ATXN7: variants seen among roughly 807,000 people sequenced by gnomAD.
The protein encoded by ATXN7 is ataxin-7.
In ATXN7, 12 loss-of-function variants were observed where a neutral mutation model predicts 70.5. That is an observed-to-expected ratio of 0.17 (90% CI 0.11 to 0.28). The LOEUF is 0.28. Ranked by LOEUF, ATXN7 falls within the 10% of genes least tolerant of loss-of-function variation. ATXN7 has a pLI of 1.00. For synonymous variants in ATXN7, 498 were observed against 448.7 expected (o/e 1.11, Z -1.39); for missense variants, 1,256 against 1,131.7 (o/e 1.11, Z -1.58).
At chr3:63,907,098 G>T (rs893516908) in intron 2 of ATXN7, among the ~76,000 whole-genome samples, 1 of 152,192 alleles carries the variant, frequency 6.6e-6, no homozygotes. Context: ...GACACAGTGT[G>T]CTTTTTTGCA....
intron 2 of ATXN7, among the ~76,000 whole-genome samples, chr3:63,910,828 GTGTGTGTGTGTGTGTATGTGTAAGTA>G (rs1703987776): frequency 6.7e-6 from 1 of 150,294 alleles, no homozygotes; most frequent in Non-Finnish European, 1.5e-5. Flanking sequence ...AAATAAAAAT[GTGTGTGTGTGTGTGTATGTGTAAGTA>G]TGTGTGTGTG....
At chr3:63,951,105 A>T (rs1050791306) in intron 4 of ATXN7, among the ~76,000 whole-genome samples, 7 of 152,184 alleles carry the variant, frequency 4.6e-5, no homozygotes, top group Non-Finnish European at 1.0e-4. Context: ...AAAATGAAAT[A>T]ATAGCTTGTA....
At chr3:63,954,636 C>T (rs2075009877) in intron 5 of ATXN7, among the ~76,000 whole-genome samples, 1 of 150,294 alleles carries the variant, frequency 6.7e-6, no homozygotes, top group Non-Finnish European at 1.5e-5. Context: ...TTACAGTATA[C>T]TTATTTTTTT....
intron 4 of ATXN7, among the ~76,000 whole-genome samples, chr3:63,931,900 G>A (rs187306469): frequency 2.6e-5 from 4 of 152,312 alleles, no homozygotes; most frequent in Admixed American, 6.5e-5. Flanking sequence ...AAGGACGAGG[G>A]TGTGGGCTTT....
At chr3:63,969,775 A>G (rs766188780) in intron 5 of ATXN7, among the ~76,000 whole-genome samples, 3 of 152,200 alleles carry the variant, frequency 2.0e-5, no homozygotes, top group Non-Finnish European at 4.4e-5. Flanking sequence ...CTATCCTTAT[A>G]AAGGTAAATT....
rs1704087076 is a variant in ATXN7 at position 63,912,705 on chromosome 3, A to AGCG, written c.109_110insGGC (p.Gln36_Gln37insArg). 1.6e-5 allele frequency: 19 copies of AGCG among 1,194,314 alleles called. No homozygotes were observed. Among genetic ancestry groups the AGCG allele is most frequent in the Non-Finnish European group, 2.0e-5 (19 of 954,986 alleles). The allele number at this position is 1,194,314 out of a possible 1,614,324, so 74.0% of individuals were successfully genotyped here. A position where few individuals can be genotyped will look rare whatever the true frequency, so the allele number is the denominator to read the frequency against. On this transcript the variant is annotated inframe_insertion, in exon 3 of 13. Transcript: ENST00000674280. ...GCCCGGCAGCAGCAGCAGCAGCAGCAGCAGCAGCAGCCGCCGCCTCCGCAG... is the reference window on the plus strand; with the variant it reads ...GCCCGGCAGCAGCAGCAGCAGCAGCAGCGGCAGCAGCAGCCGCCGCCTCCGCAG...
intron 2 of ATXN7, chr3:63,911,836 C>T (rs567937403): frequency 6.6e-6 from 1 of 152,462 alleles, no homozygotes; most frequent in South Asian, 2.1e-4. Flanking sequence ...GCCCGGAGTC[C>T]GCTCTGCGGC....
chr3:63,962,359 T>C lies in ATXN7; in HGVS notation c.499+9876T>C, dbSNP rs188287523. On this transcript the variant is annotated intron_variant, in intron 5 of 12. Transcript: ENST00000674280. ...AATAAACTTTGGAATGAAATTTGTT[T>C]CGTTGCCTCTTATGCTTGATATATT... is the stretch of plus-strand genomic sequence containing the variant. Among the ~76,000 whole-genome samples, 14 of 152,142 alleles carry C rather than the reference T, an allele frequency of 9.2e-5. No homozygotes were observed. In the East Asian group the frequency reaches 2.7e-3, roughly 30 times the overall value.
intron 5 of ATXN7, among the ~76,000 whole-genome samples, chr3:63,973,576 C>G (rs548002115): frequency 2.0e-5 from 3 of 152,298 alleles, no homozygotes; most frequent in African/African-American, 7.2e-5. Flanking sequence ...GTGATACGCC[C>G]TGCTTGGGCC....
intron 4 of ATXN7, among the ~76,000 whole-genome samples, chr3:63,931,089 A>G (rs1023445033): frequency 6.6e-6 from 1 of 152,046 alleles, no homozygotes; most frequent in Non-Finnish European, 1.5e-5. Flanking sequence ...AATGGTATAT[A>G]CAGTAGAAGT....
chr3:63,994,915 A>G (rs886450452), intron 11 of ATXN7, among the ~76,000 whole-genome samples: 1 of 151,674 alleles, frequency 6.6e-6, no homozygotes, highest in Non-Finnish European at 1.5e-5. Flanking sequence ...CATTGTTACA[A>G]CACCATGCTG....
At chr3:63,995,242 C>CG in intron 11 of ATXN7, among the ~76,000 whole-genome samples, 1 of 144,784 alleles carries the variant, frequency 6.9e-6, no homozygotes, top group East Asian at 2.1e-4. Flanking sequence ...AAGCAGGGAA[C>CG]GGGGGCGTTG....
intron 4 of ATXN7, among the ~76,000 whole-genome samples, chr3:63,938,383 T>C (rs1182500047): frequency 6.6e-6 from 1 of 152,180 alleles, no homozygotes; most frequent in African/African-American, 2.4e-5. Context: ...ACCTAATCTG[T>C]TTAAACAGAA....
intron 2 of ATXN7, chr3:63,904,454 A>G (rs9882884): frequency 0.41 from 62,758 of 151,560 alleles, 14,608 homozygotes; most frequent in African/African-American, 0.63. Flanking sequence ...CACCATGCCC[A>G]GCTAATTTTT....
rs774397773 is a variant in ATXN7, at chr3:63,988,039, T to C, written c.1096-20T>C. On this transcript the variant is annotated intron_variant, in intron 8 of 12. Coordinates refer to ENST00000674280, the MANE Select transcript of ATXN7 (RefSeq NM_001377405.1). ...ATTATTAATGAGATTCCTCAGTTTCTGTATTTTTTTGGTCCACAGACACAT... is the reference window on the plus strand; with the variant it reads ...ATTATTAATGAGATTCCTCAGTTTCCGTATTTTTTTGGTCCACAGACACAT... 2 of 1,608,158 alleles carry C rather than the reference T, an allele frequency of 1.2e-6. No individual in the cohort carries two copies. Among genetic ancestry groups the C allele is most frequent in the South Asian group, 2.2e-5 (2 of 89,712 alleles).
At chr3:63,978,053 A>T (rs2075419943) in intron 5 of ATXN7, among the ~76,000 whole-genome samples, 1 of 152,108 alleles carries the variant, frequency 6.6e-6, no homozygotes, top group African/African-American at 2.4e-5. Context: ...ATGATAACTT[A>T]CTCAGCTGTG....
chr3:63,940,156 G>A lies in ATXN7; in HGVS notation c.395-12223G>A, dbSNP rs529402927. ...ACCACATGGATGTGTAGAGTTGTGC[G>A]CATGCCCAGAAAGGACCTGAGAAGG... On this transcript the variant is annotated intron_variant, in intron 4 of 12. Transcript: ENST00000674280. Among the ~76,000 whole-genome samples, 45 of 152,182 alleles carry A rather than the reference G, an allele frequency of 3.0e-4. No homozygotes were observed. In the South Asian group the frequency reaches 5.0e-3, roughly 17 times the overall value.
intron 1 of ATXN7, among the ~76,000 whole-genome samples, chr3:63,897,191 A>G (rs1336320832): frequency 2.0e-5 from 3 of 152,218 alleles, no homozygotes; most frequent in Admixed American, 2.0e-4. Context: ...AACAGCTTTT[A>G]TTGGAAGTAA....
intron 5 of ATXN7, among the ~76,000 whole-genome samples, chr3:63,966,386 TAAG>T (rs1025765708): frequency 6.6e-6 from 1 of 152,128 alleles, no homozygotes; most frequent in African/African-American, 2.4e-5. Flanking sequence ...TTTTCTAGCT[TAAG>T]AAAAGCTTCA....
Sources: allele counts gnomAD v4.1 joint callset (sites outside exome capture counted in the v4.1 genomes callset), GRCh38; gene constraint gnomAD v4.1.1; transcripts MANE v1.5; gene names NCBI Gene and HGNC (gene_info 2026-07-23, HGNC 2026-07-21).